The following CD2AP variants were observed in gnomAD, a reference collection of about 807,000 sequenced individuals.
CD2AP encodes the protein CD2-associated protein.
Under a neutral mutation model 85.1 loss-of-function variants are expected in CD2AP, and 46 were observed. The ratio of observed to expected loss-of-function variants is 0.54; its 90% CI spans 0.43 to 0.69. The LOEUF is 0.69. Among genes scored for constraint, CD2AP ranks in the 30% least tolerant of loss-of-function variants. The pLI is 0.00. For missense variants in CD2AP, 769 were observed against 729.5 expected, an observed-to-expected ratio of 1.05 and a Z score of -0.62; for synonymous variants, 255 against 252.9, an observed-to-expected ratio of 1.01 and a Z score of -0.08.
intron 2 of CD2AP, among the ~76,000 whole-genome samples, chr6:47,503,797 T>C (rs1169853103): frequency 6.6e-6 from 1 of 152,242 alleles, no homozygotes; most frequent in Non-Finnish European, 1.5e-5. Context: ...ACTTGTGAAA[T>C]AGTTATGACA....
chr6:47,604,634 A>G (rs1769222776), intron 13 of CD2AP, among the ~76,000 whole-genome samples: 1 of 152,086 alleles, frequency 6.6e-6, no homozygotes, highest in South Asian at 2.1e-4. Context: ...CACCCTTCAA[A>G]TTACGACATA....
At chr6:47,608,784 T>G (rs1237499194) in intron 15 of CD2AP, among the ~76,000 whole-genome samples, 1 of 152,158 alleles carries the variant, frequency 6.6e-6, no homozygotes, top group African/African-American at 2.4e-5. Flanking sequence ...CAATAAGTAT[T>G]GAATATGAAA....
At chr6:47,526,620 T>G (rs529534207) in intron 2 of CD2AP, among the ~76,000 whole-genome samples, 221 of 152,302 alleles carry the variant, frequency 1.5e-3, no homozygotes, top group African/African-American at 5.0e-3. Flanking sequence ...GTTAACATTG[T>G]TTTACAGCAA....
chr6:47,598,499 C>T (rs568000953), intron 12 of CD2AP, among the ~76,000 whole-genome samples: 1 of 150,920 alleles, frequency 6.6e-6, no homozygotes, highest in African/African-American at 2.4e-5. Context: ...TGGAACCAGC[C>T]CAGATGCCCA....
chr6:47,586,530 A>G (rs1046378303), intron 11 of CD2AP, among the ~76,000 whole-genome samples: 1 of 152,204 alleles, frequency 6.6e-6, no homozygotes, highest in Non-Finnish European at 1.5e-5. Context: ...ATTTATGACA[A>G]AAAGCTTAAA....
intron 9 of CD2AP, among the ~76,000 whole-genome samples, chr6:47,580,477 A>G (rs1038438845): frequency 7.0e-6 from 1 of 143,850 alleles, no homozygotes; most frequent in Non-Finnish European, 1.5e-5. Flanking sequence ...AAAAAAAAAA[A>G]CGGTCTCTCC....
At chr6:47,559,955 T>C (rs1238808047) in intron 5 of CD2AP, among the ~76,000 whole-genome samples, 1 of 152,242 alleles carries the variant, frequency 6.6e-6, no homozygotes, top group African/African-American at 2.4e-5. Context: ...TATTATTTTA[T>C]ATATTTATTT....
In CD2AP at chr6:47,542,164, T is replaced by C. The variant is rs138808988; in HGVS notation, c.320-2442T>C. On this transcript the variant is annotated intron_variant, in intron 3 of 17. Coordinates refer to ENST00000359314, the MANE Select transcript of CD2AP (RefSeq NM_012120.3). ...ATATTTGTAGTTTATATTAAATATT[T>C]TACTCTCATTATGTATTCAAGTTTT... 1.3e-3 allele frequency among the ~76,000 whole-genome samples: 192 copies of C among 152,358 alleles called. 1 individual carries two copies. The East Asian group carries it at 0.028, about 22-fold the overall frequency.
intron 5 of CD2AP, among the ~76,000 whole-genome samples, chr6:47,567,174 CT>C (rs1768026501): frequency 6.6e-6 from 1 of 151,212 alleles, no homozygotes; most frequent in Non-Finnish European, 1.5e-5. Context: ...TTGTTTGCTG[CT>C]ATCTTCATCT....
At chr6:47,619,558 ACTT>A (rs34945135) in intron 17 of CD2AP, among the ~76,000 whole-genome samples, 40,189 of 151,876 alleles carry the variant, frequency 0.26, 5,461 homozygotes, top group African/African-American at 0.31. Context: ...TCGAATAATG[ACTT>A]CTTTTCCTCT....
At chr6:47,618,082 G>C (rs1333217433) in intron 17 of CD2AP, among the ~76,000 whole-genome samples, 1 of 152,178 alleles carries the variant, frequency 6.6e-6, no homozygotes, top group Non-Finnish European at 1.5e-5. Flanking sequence ...ACTTTGGAAG[G>C]TCAAGGTGGG....
Position 47,580,904 on chromosome 6 carries a change from T to TTA in CD2AP, c.1045+4_1045+5insTA. On this transcript the variant is annotated splice_donor_region_variant and intron_variant, in intron 10 of 17. Coordinates refer to ENST00000359314, the MANE Select transcript of CD2AP (RefSeq NM_012120.3). ...CCACCTCCTGCTAAGGCTCCAGGTA[T>TTA]GTAAGAAGCATATTATTCAGTTTGC... is the stretch of plus-strand genomic sequence containing the variant. 1 of 1,594,870 alleles carries TTA rather than the reference T, an allele frequency of 6.3e-7. No individual in the cohort carries two copies. The highest frequency in any genetic ancestry group is 8.6e-7 in the Non-Finnish European group (1 of 1,162,674).
chr6:47,581,185 A>T lies in CD2AP; in HGVS notation c.1045+285A>T, dbSNP rs79622981. ...CTGTTTTAGAAAACTTAATATATTGACCTGGCCAACTAGTTATTCTACCGT... is the reference window on the plus strand; with the variant it reads ...CTGTTTTAGAAAACTTAATATATTGTCCTGGCCAACTAGTTATTCTACCGT... On this transcript the variant is annotated intron_variant, in intron 10 of 17. Transcript: ENST00000359314. Among the ~76,000 whole-genome samples the T allele has an allele frequency of 0.011, 1,637 of 152,284 alleles. 26 individuals carry two copies. Among genetic ancestry groups the T allele is most frequent in the African/African-American group, 0.037 (1,528 of 41,560 alleles).
chr6:47,603,211 A>G (rs1294093177), intron 13 of CD2AP, among the ~76,000 whole-genome samples: 2 of 152,092 alleles, frequency 1.3e-5, no homozygotes, highest in Non-Finnish European at 2.9e-5. Context: ...TAAGTACCAT[A>G]TAAGGCATTA....
chr6:47,506,467 T>C (rs1766168391), intron 2 of CD2AP, among the ~76,000 whole-genome samples: 1 of 37,186 alleles, frequency 2.7e-5, no homozygotes, highest in African/African-American at 1.1e-4. Flanking sequence ...GAGGTGTAGG[T>C]TGTAGTGAGC....
Position 47,552,980 on chromosome 6 carries a change from G to C in CD2AP, c.421-1666G>C, listed in dbSNP as rs762669222. ...CACATTGTTTTTGTCATTTCCTTTT[G>C]GGGGGGAGCATTTTTTTTTTATTCT... On this transcript the variant is annotated intron_variant, in intron 4 of 17. Transcript: ENST00000359314. Among the ~76,000 whole-genome samples, 66 of 142,710 alleles carry C rather than the reference G, an allele frequency of 4.6e-4. 1 individual carries two copies. Among genetic ancestry groups the C allele is most frequent in the Non-Finnish European group, 1.6e-4 (10 of 64,392 alleles). The allele number at this position is 142,710 out of a possible 152,430, so 93.6% of individuals were successfully genotyped here. A position where few individuals can be genotyped will look rare whatever the true frequency, so the allele number is the denominator to read the frequency against.
chr6:47,525,468 T>G (rs1766696041), intron 2 of CD2AP, among the ~76,000 whole-genome samples: 1 of 152,150 alleles, frequency 6.6e-6, no homozygotes, highest in Non-Finnish European at 1.5e-5. Flanking sequence ...TCTCACCTGG[T>G]TTTTATTATT....
At chr6:47,557,201 G>A (rs1767722719) in intron 5 of CD2AP, among the ~76,000 whole-genome samples, 1 of 145,976 alleles carries the variant, frequency 6.9e-6, no homozygotes, top group Non-Finnish European at 1.5e-5. Context: ...ATATGTTTAA[G>A]TTCTTTGTAG....
At chr6:47,558,333 G>A (rs1767751308) in intron 5 of CD2AP, among the ~76,000 whole-genome samples, 1 of 152,076 alleles carries the variant, frequency 6.6e-6, no homozygotes, top group Non-Finnish European at 1.5e-5. Flanking sequence ...TTGCCTGATT[G>A]CCCTGGCCAG....
Sources: allele counts gnomAD v4.1 joint callset (sites outside exome capture counted in the v4.1 genomes callset), GRCh38; gene constraint gnomAD v4.1.1; transcripts MANE v1.5; gene names NCBI Gene and HGNC (gene_info 2026-07-23, HGNC 2026-07-21).